The following KSR2 variants were observed in gnomAD, a reference collection of about 807,000 sequenced individuals.
KSR2 encodes kinase suppressor of ras 2.
In KSR2, 25 loss-of-function variants were observed where a neutral mutation model predicts 107.8. The ratio of observed to expected loss-of-function variants is 0.23; its 90% CI spans 0.17 to 0.32. KSR2 has a LOEUF of 0.32. Ranked by LOEUF, KSR2 falls within the 10% of genes least tolerant of loss-of-function variation. The pLI is 1.00. For missense variants in KSR2, 887 were observed against 1,268.9 expected, an observed-to-expected ratio of 0.70 and a Z score of 4.57; for synonymous variants, 480 against 507.0, an observed-to-expected ratio of 0.95 and a Z score of 0.71.
At chr12:117,791,178 C>A (rs777080195) in intron 3 of KSR2, among the ~76,000 whole-genome samples, 10 of 152,138 alleles carry the variant, frequency 6.6e-5, no homozygotes, top group Non-Finnish European at 1.3e-4. Context: ...TTTATGCCCA[C>A]CAGCTCACCC....
Position 117,968,311 on chromosome 12 carries a change from G to GTT in KSR2, c.-57_-56insAA, listed in dbSNP as rs561320627. 4 of 1,456,374 alleles carry GTT rather than the reference G, an allele frequency of 2.7e-6. No homozygotes were observed. The highest frequency in any genetic ancestry group is 5.0e-5 in the East Asian group (2 of 39,954). 90.2% of individuals were successfully genotyped at this position (1,456,374 alleles called of 1,614,324 possible). ...CTCCTCCCAGAGAGAAAAAAGAGGG[G>GTT]GGGGAGTAGAGGTAGTCTACCCTCC... On this transcript the variant is annotated 5_prime_UTR_variant, in exon 1 of 20. Transcript: ENST00000339824.
chr12:117,717,512 C>T (rs956239511), intron 4 of KSR2, among the ~76,000 whole-genome samples: 3 of 152,062 alleles, frequency 2.0e-5, no homozygotes, highest in Admixed American at 2.0e-4. Flanking sequence ...AAGCAAGACC[C>T]TATCTCAAAA....
intron 3 of KSR2, among the ~76,000 whole-genome samples, chr12:117,773,494 G>A (rs568987402): frequency 1.2e-4 from 19 of 152,266 alleles, no homozygotes; most frequent in African/African-American, 4.6e-4. Flanking sequence ...GCAATCACGT[G>A]GCTTAAATTT....
At chr12:117,925,366 C>T (rs909103360) in intron 1 of KSR2, among the ~76,000 whole-genome samples, 4 of 152,084 alleles carry the variant, frequency 2.6e-5, no homozygotes, top group Admixed American at 1.3e-4. Context: ...TCAAGCAGTC[C>T]GCCCACCTCA....
In KSR2 at chr12:117,479,574, T is replaced by C. The variant is rs1467412775; in HGVS notation, c.2451-2979A>G. On this transcript the variant is annotated intron_variant, in intron 16 of 19. Transcript: ENST00000339824. ...TCCCCCTAATCATGACAACTAAAAA[T>C]GTCTTCAGACATCATCAAATGTCCC... 3.9e-5 allele frequency among the ~76,000 whole-genome samples: 6 copies of C among 152,140 alleles called. No homozygotes were observed. In the East Asian group the frequency reaches 1.2e-3, roughly 29 times the overall value.
At chr12:117,797,632 A>G (rs1357010604) in intron 3 of KSR2, among the ~76,000 whole-genome samples, 2 of 139,174 alleles carry the variant, frequency 1.4e-5, no homozygotes, top group African/African-American at 5.6e-5. Flanking sequence ...TTAATTTTAT[A>G]TTATATAAAT....
intron 4 of KSR2, among the ~76,000 whole-genome samples, chr12:117,750,630 T>A (rs984261448): frequency 4.6e-5 from 7 of 152,142 alleles, no homozygotes; most frequent in African/African-American, 1.7e-4. Context: ...ACCCAGTTGT[T>A]TGGTTTTCAG....
At chr12:117,854,305 C>T (rs947287854) in intron 3 of KSR2, among the ~76,000 whole-genome samples, 1 of 152,214 alleles carries the variant, frequency 6.6e-6, no homozygotes, top group Non-Finnish European at 1.5e-5. Flanking sequence ...GTGTGCCCGG[C>T]CGCATGGTCC....
At chr12:117,586,629 AAAAGAAAG>A (rs71450224) in intron 5 of KSR2, among the ~76,000 whole-genome samples, 16 of 138,314 alleles carry the variant, frequency 1.2e-4, no homozygotes, top group Non-Finnish European at 1.8e-4. Flanking sequence ...AAAAGAAAGA[AAAAGAAAG>A]AAAGAAAGAA....
chr12:117,690,564 CA>C (rs992706438), intron 4 of KSR2, among the ~76,000 whole-genome samples: 2 of 149,500 alleles, frequency 1.3e-5, no homozygotes, highest in South Asian at 2.1e-4. Flanking sequence ...GACTCTGTCT[CA>C]AAAAAAAAGA....
At chr12:117,714,855 A>C (rs1415522481) in intron 4 of KSR2, among the ~76,000 whole-genome samples, 1 of 152,180 alleles carries the variant, frequency 6.6e-6, no homozygotes, top group South Asian at 2.1e-4. Flanking sequence ...AGCCACCACC[A>C]CGAAAAATTA....
chr12:117,772,378 C>T (rs1889520319), intron 3 of KSR2, among the ~76,000 whole-genome samples: 2 of 139,358 alleles, frequency 1.4e-5, no homozygotes, highest in African/African-American at 5.6e-5. Context: ...CACACATACA[C>T]ACCATTCCAC....
intron 4 of KSR2, among the ~76,000 whole-genome samples, chr12:117,750,003 T>C (rs532131216): frequency 4.6e-5 from 7 of 152,050 alleles, no homozygotes; most frequent in Non-Finnish European, 1.0e-4. Flanking sequence ...ATCCTAGCAC[T>C]CTGGGAGGCT....
At chr12:117,516,130 G>A (rs1328292116) in intron 14 of KSR2, among the ~76,000 whole-genome samples, 1 of 152,060 alleles carries the variant, frequency 6.6e-6, no homozygotes, top group Non-Finnish European at 1.5e-5. Context: ...CAGGTGGTCT[G>A]GGCTTCATCC....
intron 1 of KSR2, among the ~76,000 whole-genome samples, chr12:117,866,281 G>A (rs1893467742): frequency 6.6e-6 from 1 of 152,004 alleles, no homozygotes; most frequent in Admixed American, 6.6e-5. Context: ...TCTAACTCCT[G>A]GACTCAAGCA....
At chr12:117,929,465 G>T (rs1422561881) in intron 1 of KSR2, among the ~76,000 whole-genome samples, 2 of 152,158 alleles carry the variant, frequency 1.3e-5, no homozygotes, top group African/African-American at 4.8e-5. Flanking sequence ...TGATTGTGAG[G>T]CCTCCCCAGC....
chr12:117,946,295 G>C (rs1221806288), intron 1 of KSR2, among the ~76,000 whole-genome samples: 1 of 151,954 alleles, frequency 6.6e-6, no homozygotes, highest in Non-Finnish European at 1.5e-5. Context: ...CTGAAACCTG[G>C]TCTTTTGAAA....
At chr12:117,965,346 A>G (rs1896755458) in intron 1 of KSR2, among the ~76,000 whole-genome samples, 1 of 152,212 alleles carries the variant, frequency 6.6e-6, no homozygotes, top group Non-Finnish European at 1.5e-5. Context: ...ATGAAGAGAA[A>G]CCATTATTTG....
At chr12:117,794,566 C>CCAACATGCACACATACAT (rs1217676207) in intron 3 of KSR2, among the ~76,000 whole-genome samples, 1 of 149,368 alleles carries the variant, frequency 6.7e-6, no homozygotes, top group African/African-American at 2.5e-5. Flanking sequence ...TGCACACACA[C>CCAACATGCACACATACAT]CAACATGCAC....
Sources: gnomAD v4.1 joint callset for allele counts (sites outside exome capture counted in the v4.1 genomes callset) on GRCh38, gnomAD v4.1.1 for gene constraint, MANE v1.5 for transcripts, NCBI Gene and HGNC (gene_info 2026-07-23, HGNC 2026-07-21) for gene names.